Variants in EHMT2 observed in about 807,000 individuals in gnomAD.
The protein encoded by EHMT2 is histone-lysine N-methyltransferase EHMT2.
Under a neutral mutation model 143.3 loss-of-function variants are expected in EHMT2, and 59 were observed. That is an observed-to-expected ratio of 0.41 (90% confidence interval 0.33 to 0.51). The LOEUF (loss-of-function observed/expected upper bound fraction) is 0.51. Ranked by LOEUF, EHMT2 falls within the 20% of genes least tolerant of loss-of-function variation. The pLI is 0.18. For missense variants in EHMT2, 1,174 were observed against 1,645.9 expected (o/e 0.71, Z 4.96); for synonymous variants, 604 against 651.5 (o/e 0.93, Z 1.11).
intron 4 of EHMT2, among the ~76,000 whole-genome samples, chr6:31,894,802 T>C (rs1766156442): frequency 7.7e-6 from 1 of 130,242 alleles, no homozygotes; most frequent in East Asian, 2.3e-4. Context: ...CCACCACACC[T>C]GGCTAATTTA....
Position 31,889,242 on chromosome 6 carries a change from G to T in EHMT2, c.1100C>A (p.Ala367Asp). ...AGCCTCCTCACCTCGTGGCTCCTTGGCCCGCGGAGGCTCCCGCTTGCGCCG... is the reference window on the plus strand; with the variant it reads ...AGCCTCCTCACCTCGTGGCTCCTTGTCCCGCGGAGGCTCCCGCTTGCGCCG... Residue 367 changes from alanine to aspartate, a missense_variant, in exon 9 of 28, where the codon GCC becomes GAC. Coordinates refer to ENST00000375537, the Ensembl canonical transcript of EHMT2. This position sits in a 1 kb window ranked among gnomAD's most constrained non-coding sequence, Gnocchi z 5.1. 1 of 1,608,534 alleles carries T rather than the reference G, an allele frequency of 6.2e-7. No individual in the cohort carries two copies.
Position 31,886,911 on chromosome 6 carries a change from G to A in EHMT2, c.2119-14C>T, listed in dbSNP as rs772834183. On this transcript the variant is annotated splice_polypyrimidine_tract_variant and intron_variant, in intron 16 of 27. Coordinates refer to ENST00000375537, the Ensembl canonical transcript of EHMT2. ...GTTGGCTCCAGCCTGTGAGGGGGCAGGAGGGCTGGCACCAGGGAGGCATGG... is the reference window on the plus strand; with the variant it reads ...GTTGGCTCCAGCCTGTGAGGGGGCAAGAGGGCTGGCACCAGGGAGGCATGG... 6.2e-7 allele frequency: 1 copy of A among 1,614,070 alleles called. No homozygotes were observed.
chr6:31,897,220 G>C, intron 1 of EHMT2: 15 of 1,231,290 alleles, frequency 1.2e-5, no homozygotes, highest in Non-Finnish European at 1.5e-5. Context: ...GCCGAGAGAA[G>C]AGGAGGGGGA....
At chr6:31,892,284 C>T (rs1306922482) in intron 7 of EHMT2, 123 bp downstream of exon 7, 13 of 1,138,020 alleles carry the variant, frequency 1.1e-5, no homozygotes, top group African/African-American at 1.6e-5. Context: ...GGGGCAATGA[C>T]TTAGTGGATA....
exon 14 of EHMT2, chr6:31,887,793 G>C (rs1407843809): frequency 6.2e-7 from 1 of 1,601,986 alleles, no homozygotes; most frequent in East Asian, 2.2e-5. Flanking sequence ...CTGACTCCTG[G>C]ATGACCAGGG....
In EHMT2 at chr6:31,889,158, T is replaced by C; in HGVS notation, c.1114+70A>G. ...GCAGGTGGACATGCGAGAGCGTGTG[T>C]GTGCGTGCACACACTCTGGGGGGCC... On this transcript the variant is annotated intron_variant, in intron 9 of 27. Transcript: ENST00000375537. This position sits in a 1 kb window ranked among gnomAD's most constrained non-coding sequence, Gnocchi z 5.1. 3 of 1,544,500 alleles carry C rather than the reference T, an allele frequency of 1.9e-6. No individual in the cohort carries two copies. The highest frequency in any genetic ancestry group is 2.6e-6 in the Non-Finnish European group (3 of 1,136,138).
At chr6:31,896,775 C>G (rs1766526542) in exon 3 of EHMT2, 3 of 1,612,952 alleles carry the variant, frequency 1.9e-6, no homozygotes, top group Non-Finnish European at 2.5e-6. Context: ...CGGGGGTGGC[C>G]TTGGGCAGGG....
In EHMT2 at chr6:31,884,784, G is replaced by A; in HGVS notation, c.2464C>T (p.Leu822=). 1 of 1,600,204 alleles carries A rather than the reference G, an allele frequency of 6.2e-7. No individual in the cohort carries two copies. Among genetic ancestry groups the A allele is most frequent in the East Asian group, 2.2e-5 (1 of 44,622 alleles). ...CTGCCCGTGAAGGAGGCCCAGTGCA[G>A]GCAGATGTTCTCCTCCTGTGGAGGT... Residue 822 remains leucine, a synonymous_variant, in exon 20 of 28, where the codon CTG becomes TTG. Transcript: ENST00000375537. This position sits in a 1 kb window ranked among gnomAD's most constrained non-coding sequence, Gnocchi z 7.3.
At position 31,886,909 on chromosome 6, in the gene EHMT2, C is replaced by A. The variant is rs771863863; in HGVS notation, c.2119-12G>T. On this transcript the variant is annotated splice_polypyrimidine_tract_variant and intron_variant, in intron 16 of 27. Coordinates refer to ENST00000375537, the Ensembl canonical transcript of EHMT2. The stretch of plus-strand genomic sequence containing the variant: ...ATGTTGGCTCCAGCCTGTGAGGGGG[C>A]AGGAGGGCTGGCACCAGGGAGGCAT... 4 of 1,613,920 alleles carry A rather than the reference C, an allele frequency of 2.5e-6. No individual in the cohort carries two copies. Among genetic ancestry groups the A allele is most frequent in the East Asian group, 4.5e-5 (2 of 44,874 alleles).
Position 31,884,086 on chromosome 6 carries a change from G to T in EHMT2, c.2772-136C>A. 1.0e-6 allele frequency: 1 copy of T among 966,134 alleles called. No homozygotes were observed. Among genetic ancestry groups the T allele is most frequent in the Non-Finnish European group, 1.5e-6 (1 of 669,468 alleles). The allele number at this position is 966,134 out of a possible 1,614,324, so 59.8% of individuals were successfully genotyped here. ...AGGTTGCCAGGTAAGATGCAGGACA[G>T]CGAGTTAACATAGAATTTTAGATAA... On this transcript the variant is annotated intron_variant, in intron 21 of 27. Coordinates refer to ENST00000375537, the Ensembl canonical transcript of EHMT2. The surrounding 1 kb of genome is among the most constrained non-coding windows in gnomAD (Gnocchi z 7.3).
chr6:31,889,051 G>A lies in EHMT2; in HGVS notation c.1134C>T (p.Ser378=). The A allele has an allele frequency of 6.2e-7, 1 of 1,604,736 alleles. No homozygotes were observed. The highest frequency in any genetic ancestry group is 8.5e-7 in the Non-Finnish European group (1 of 1,176,770). The stretch of plus-strand genomic sequence containing the variant: ...CCTCCATGTACTCACTGGGGCCTGA[G>A]GAGCCCACACCATTCACTCCTGACA... The change falls in exon 10 of 28, where the codon TCC becomes TCT. Residue 378 remains serine, a synonymous_variant. Coordinates refer to ENST00000375537, the Ensembl canonical transcript of EHMT2. The surrounding 1 kb of genome is among the most constrained non-coding windows in gnomAD (Gnocchi z 5.1).
In EHMT2 at chr6:31,882,692, G is replaced by A. The variant is rs558317250; in HGVS notation, c.3197+7C>T. 3 of 1,611,626 alleles carry A rather than the reference G, an allele frequency of 1.9e-6. No homozygotes were observed. The highest frequency in any genetic ancestry group is 4.5e-5 in the East Asian group (2 of 44,854). On this transcript the variant is annotated splice_region_variant and intron_variant, in intron 25 of 27. Transcript: ENST00000375537. Reference sequence around the variant, plus strand: ...CACCAGGTGTTAAGGTGCTCCCGGTGACTTACTCGCAGATGAAGGTCCCCT... The same window carrying A: ...CACCAGGTGTTAAGGTGCTCCCGGTAACTTACTCGCAGATGAAGGTCCCCT...
rs193205957 is a variant in EHMT2, at chr6:31,880,381, G to A, written c.3453-117C>T. 83 of 1,184,302 alleles carry A rather than the reference G, an allele frequency of 7.0e-5. No individual in the cohort carries two copies. In the Admixed American group the frequency reaches 1.9e-3, roughly 28 times the overall value. The allele number at this position is 1,184,302 out of a possible 1,614,324, so 73.4% of individuals were successfully genotyped here. ...CCCGACACCCAACCTATCTTCTCCA[G>A]ATGGGATCTGAGCCCCTTGTATGTT... is the stretch of plus-strand genomic sequence containing the variant. On this transcript the variant is annotated intron_variant, in intron 27 of 27. Transcript: ENST00000375537. This position sits in a 1 kb window ranked among gnomAD's most constrained non-coding sequence, Gnocchi z 6.6.
At position 31,880,880 on chromosome 6, in the gene EHMT2, C is replaced by T. The variant is rs974562605; in HGVS notation, c.3277-32G>A. On this transcript the variant is annotated intron_variant, in intron 26 of 27. Transcript: ENST00000375537. The surrounding 1 kb of genome is among the most constrained non-coding windows in gnomAD (Gnocchi z 6.6). ...CAGGGGGATGGCACTCTTCACATCTCCCCCGACCCTGCTTGCCCTCCCCAC... is the reference window on the plus strand; with the variant it reads ...CAGGGGGATGGCACTCTTCACATCTTCCCCGACCCTGCTTGCCCTCCCCAC... 9.9e-6 allele frequency: 16 copies of T among 1,611,732 alleles called. No individual in the cohort carries two copies. The highest frequency in any genetic ancestry group is 3.3e-5 in the Admixed American group (2 of 59,960).
chr6:31,896,193 T>G (rs1355101022), intron 4 of EHMT2, 70 bp downstream of exon 4: 1 of 1,536,270 alleles, frequency 6.5e-7, no homozygotes, highest in African/African-American at 1.4e-5. Context: ...AGTAGAAGCC[T>G]TAAGTGAAAC....
chr6:31,896,670 G>A (rs765563790), exon 3 of EHMT2: 4 of 1,604,786 alleles, frequency 2.5e-6, no homozygotes, highest in African/African-American at 1.3e-5. Context: ...CATCCCCAAT[G>A]AGTGGTGTAG....
At chr6:31,882,585 GC>G in intron 25 of EHMT2, 113 bp downstream of exon 25, 1 of 1,060,266 alleles carries the variant, frequency 9.4e-7, no homozygotes, top group Non-Finnish European at 1.4e-6. Context: ...CTGGAGAGTG[GC>G]CAGATGGAGA....
rs1358926536 is a variant in EHMT2 at position 31,880,391 on chromosome 6, G to A, written c.3453-127C>T. The A allele has an allele frequency of 1.8e-6, 2 of 1,112,612 alleles. No individual in the cohort carries two copies. The highest frequency in any genetic ancestry group is 1.6e-5 in the African/African-American group (1 of 63,752). 68.9% of individuals were successfully genotyped at this position (1,112,612 alleles called of 1,614,324 possible). ...AACCTATCTTCTCCAGATGGGATCT[G>A]AGCCCCTTGTATGTTCTATGGACTT... On this transcript the variant is annotated intron_variant, in intron 27 of 27. Coordinates refer to ENST00000375537, the Ensembl canonical transcript of EHMT2. The surrounding 1 kb of genome is among the most constrained non-coding windows in gnomAD (Gnocchi z 6.6).
rs200645249 is a variant in EHMT2 at position 31,886,769 on chromosome 6, G to A, written c.2241+6C>T. The A allele has an allele frequency of 5.7e-5, 92 of 1,614,176 alleles. 1 individual carries two copies. In the South Asian group the frequency reaches 5.9e-4, roughly 10 times the overall value. On this transcript the variant is annotated splice_donor_region_variant and intron_variant, in intron 17 of 27. Coordinates refer to ENST00000375537, the Ensembl canonical transcript of EHMT2. ...GGGGGCCACGCCCTGCTGCCTGCGC[G>A]CACACCTTGCTATAGACACAGCCAC...
Sources: allele counts gnomAD v4.1 joint callset (sites outside exome capture counted in the v4.1 genomes callset), GRCh38; gene constraint gnomAD v4.1.1; non-coding constraint Gnocchi (gnomAD v3.1); transcripts MANE v1.5; gene names NCBI Gene and HGNC (gene_info 2026-07-23, HGNC 2026-07-21).